ADCK2: variants seen among roughly 807,000 people sequenced by gnomAD.
ADCK2 encodes uncharacterized aarF domain-containing protein kinase 2.
In ADCK2, 37 loss-of-function variants were observed where a neutral mutation model predicts 52.3. That is an observed-to-expected ratio of 0.71 (90% CI 0.54 to 0.93). The LOEUF (loss-of-function observed/expected upper bound fraction) is 0.93, where lower values mean the gene tolerates loss of function less well. Ranked by LOEUF, ADCK2 falls within the 40% of genes least tolerant of loss-of-function variation. The pLI is 0.00. For synonymous variants in ADCK2, 321 were observed against 349.2 expected (o/e 0.92, Z 0.90); for missense variants, 695 against 798.7 (o/e 0.87, Z 1.56).
chr7:140,680,631 T>C (rs1213290565), intron 3 of ADCK2, among the ~76,000 whole-genome samples: 1 of 152,208 alleles, frequency 6.6e-6, no homozygotes, highest in Non-Finnish European at 1.5e-5. Flanking sequence ...ATGTGACTTG[T>C]CATCCTTCTG....
At chr7:140,682,271 C>G (rs1214117901) in intron 4 of ADCK2, among the ~76,000 whole-genome samples, 1 of 152,220 alleles carries the variant, frequency 6.6e-6, no homozygotes, top group Admixed American at 6.5e-5. Flanking sequence ...GGGATTCACT[C>G]AGGAAGTGGC....
chr7:140,689,521 T>G, intron 5 of ADCK2, 76 bp from the exon 6 acceptor site: 41 of 1,493,866 alleles, frequency 2.7e-5, no homozygotes, highest in Non-Finnish European at 3.3e-5. Flanking sequence ...GCTGCTGAGA[T>G]GAGAAAGACG....
rs867746282 is a variant in ADCK2 at position 140,673,230 on chromosome 7, G to A, written c.-101G>A. On this transcript the variant is annotated 5_prime_UTR_variant, in exon 1 of 8. Coordinates refer to ENST00000072869, the MANE Select transcript of ADCK2 (RefSeq NM_052853.4). This position sits in a 1 kb window ranked among gnomAD's most constrained non-coding sequence, Gnocchi z 6.4. ...GGATCCGGCCCAGATGGGCAGCTCC[G>A]TCCGCGGGGTCAGGGCCGGGCTTCG... The A allele has an allele frequency of 2.2e-5, 24 of 1,074,524 alleles. No homozygotes were observed. Among genetic ancestry groups the A allele is most frequent in the African/African-American group, 6.7e-5 (4 of 59,412 alleles). The allele number at this position is 1,074,524 out of a possible 1,614,324, so 66.6% of individuals were successfully genotyped here.
At chr7:140,677,990 T>A (rs528482624) in intron 2 of ADCK2, among the ~76,000 whole-genome samples, 4 of 152,234 alleles carry the variant, frequency 2.6e-5, no homozygotes, top group African/African-American at 9.6e-5. Flanking sequence ...GAGATGGACC[T>A]GGACAGAGAA....
chr7:140,687,876 T>A (rs1276413848), intron 5 of ADCK2, among the ~76,000 whole-genome samples: 6 of 114,664 alleles, frequency 5.2e-5, no homozygotes, highest in African/African-American at 9.9e-5. Flanking sequence ...AGATCTTAGT[T>A]TTTTTTTTTT....
rs1425352174 is a variant in ADCK2 at position 140,678,717 on chromosome 7, G to A, written c.1081-438G>A. 1.3e-5 allele frequency among the ~76,000 whole-genome samples: 2 copies of A among 152,124 alleles called. No individual in the cohort carries two copies. The highest frequency in any genetic ancestry group is 2.1e-4 in the South Asian group (1 of 4,820). On this transcript the variant is annotated intron_variant, in intron 2 of 7. Coordinates refer to ENST00000072869, the MANE Select transcript of ADCK2 (RefSeq NM_052853.4). The surrounding 1 kb of genome is among the most constrained non-coding windows in gnomAD (Gnocchi z 4.9). ...TGGGGAGAGTAGCAGTGGCAGTGTCGATGCGGTGGGTGGAGAGCTGCCGCG... is the reference window on the plus strand; with the variant it reads ...TGGGGAGAGTAGCAGTGGCAGTGTCAATGCGGTGGGTGGAGAGCTGCCGCG...
intron 4 of ADCK2, among the ~76,000 whole-genome samples, chr7:140,684,960 A>G (rs1181155758): frequency 6.6e-6 from 1 of 152,134 alleles, no homozygotes; most frequent in Non-Finnish European, 1.5e-5. Context: ...CCAGGGGAGA[A>G]GCACCATGAA....
chr7:140,691,784 C>A lies in ADCK2; in HGVS notation c.1740+971C>A, dbSNP rs2930315. ...TTAGTAACCAATTTATCCCCTCAGT[C>A]TTCCAAGAGGCAGGCACCAAAGCCG... On this transcript the variant is annotated intron_variant, in intron 7 of 7. Transcript: ENST00000072869. 3.3e-5 allele frequency among the ~76,000 whole-genome samples: 5 copies of A among 152,254 alleles called. No homozygotes were observed. In the South Asian group the frequency reaches 1.0e-3, roughly 32 times the overall value.
chr7:140,695,051 A>T lies in ADCK2; in HGVS notation c.*248A>T, dbSNP rs571691969. ...GTGGAAGCTGGGCCAGGTGCCAGGGACACTCTCCTTCAGGGAAAATGTTAT... is the reference window on the plus strand; with the variant it reads ...GTGGAAGCTGGGCCAGGTGCCAGGGTCACTCTCCTTCAGGGAAAATGTTAT... On this transcript the variant is annotated 3_prime_UTR_variant, in exon 8 of 8. Coordinates refer to ENST00000072869, the MANE Select transcript of ADCK2 (RefSeq NM_052853.4). 2 of 1,239,132 alleles carry T rather than the reference A, an allele frequency of 1.6e-6. No individual in the cohort carries two copies. Among genetic ancestry groups the T allele is most frequent in the African/African-American group, 3.1e-5 (2 of 64,860 alleles). The allele number at this position is 1,239,132 out of a possible 1,614,324, so 76.8% of individuals were successfully genotyped here.
Position 140,673,101 on chromosome 7 carries a change from G to A in ADCK2, c.-230G>A, listed in dbSNP as rs535275841. On this transcript the variant is annotated 5_prime_UTR_variant, in exon 1 of 8. Coordinates refer to ENST00000072869, the MANE Select transcript of ADCK2 (RefSeq NM_052853.4). This position sits in a 1 kb window ranked among gnomAD's most constrained non-coding sequence, Gnocchi z 6.4. Reference sequence around the variant, plus strand: ...CTCCTCCCGTTCCGCAGTTGGTGCCGTCTGACAGCCCCTTCCGCGCGGCGC... The same window carrying A: ...CTCCTCCCGTTCCGCAGTTGGTGCCATCTGACAGCCCCTTCCGCGCGGCGC... 1.7e-3 allele frequency: 460 copies of A among 277,310 alleles called. 3 individuals carry two copies. Among genetic ancestry groups the A allele is most frequent in the Admixed American group, 0.014 (250 of 18,474 alleles). 17.2% of individuals were successfully genotyped at this position (277,310 alleles called of 1,614,324 possible).
chr7:140,687,382 C>A, intron 5 of ADCK2, 141 bp downstream of exon 5: 1 of 1,155,976 alleles, frequency 8.7e-7, no homozygotes, highest in Non-Finnish European at 1.2e-6. Context: ...GAGTTCAAGG[C>A]CAGCCTGAGC....
rs1423564698 is a variant in ADCK2 at position 140,673,574 on chromosome 7, G to A, written c.244G>A (p.Glu82Lys). 1 of 1,602,724 alleles carries A rather than the reference G, an allele frequency of 6.2e-7. No homozygotes were observed. Among genetic ancestry groups the A allele is most frequent in the East Asian group, 2.2e-5 (1 of 44,758 alleles). ...CGGGGCGGCTGGCGCGGGGCCCGCG[G>A]AGAGCCTCCCCCGAGCGGGACCTCT... is the stretch of plus-strand genomic sequence containing the variant. ...CSGAAGAGPA[E>K]SLPRAGPLGG... The change falls in exon 1 of 8, where the codon GAG becomes AAG. Residue 82 changes from glutamate to lysine, a missense_variant. Glu to Lys is a moderately conservative substitution (Grantham distance 56). Transcript: ENST00000072869. The surrounding 1 kb of genome is among the most constrained non-coding windows in gnomAD (Gnocchi z 6.4).
chr7:140,681,808 G>T (rs1019581439), intron 4 of ADCK2, among the ~76,000 whole-genome samples: 1 of 151,792 alleles, frequency 6.6e-6, no homozygotes, highest in African/African-American at 2.4e-5. Context: ...AAATTGTTTT[G>T]TAGGGACTTA....
At position 140,679,161 on chromosome 7, in the gene ADCK2, C is replaced by T; in HGVS notation, c.1087C>T (p.Leu363=). The change falls in exon 3 of 8, where the codon CTG becomes TTG. Residue 363 remains leucine (L), a synonymous_variant. Coordinates refer to ENST00000072869, the MANE Select transcript of ADCK2 (RefSeq NM_052853.4). ...TCTGTCCATTTCTCTGTAGATTGAC[C>T]TGCGTTACGAAGCTCAGAATCTAGA... ...FEKLMVQQID[L]RYEAQNLEHF... 2 of 1,614,032 alleles carry T rather than the reference C, an allele frequency of 1.2e-6. No homozygotes were observed. The highest frequency in any genetic ancestry group is 1.7e-6 in the Non-Finnish European group (2 of 1,179,950).
chr7:140,687,875 T>G (rs1437400577), intron 5 of ADCK2, among the ~76,000 whole-genome samples: 4 of 106,370 alleles, frequency 3.8e-5, no homozygotes, highest in South Asian at 2.7e-4. Context: ...GAGATCTTAG[T>G]TTTTTTTTTT....
At chr7:140,690,293 C>G (rs1441423260) in intron 6 of ADCK2, among the ~76,000 whole-genome samples, 2 of 152,106 alleles carry the variant, frequency 1.3e-5, no homozygotes, top group South Asian at 4.1e-4. Flanking sequence ...ACTTCCACCT[C>G]CCGGATTCAA....
chr7:140,673,791 C>T lies in ADCK2; in HGVS notation c.461C>T (p.Thr154Ile). The T allele has an allele frequency of 6.2e-7, 1 of 1,613,940 alleles. No homozygotes were observed. The highest frequency in any genetic ancestry group is 8.5e-7 in the Non-Finnish European group (1 of 1,180,036). ...TYIKLGQWASTRRDLFSEAFC... is the reference protein window; with the variant it reads ...TYIKLGQWASIRRDLFSEAFC... Reference sequence around the variant, plus strand: ...ATCAAACTGGGCCAGTGGGCCAGCACCCGGCGCGATCTGTTTTCGGAGGCT... The same window carrying T: ...ATCAAACTGGGCCAGTGGGCCAGCATCCGGCGCGATCTGTTTTCGGAGGCT... The change falls in exon 1 of 8, where the codon ACC becomes ATC. Residue 154 changes from threonine (T) to isoleucine (I), a missense_variant. By Grantham distance (89) the Thr-to-Ile change is moderately conservative. Transcript: ENST00000072869. This position sits in a 1 kb window ranked among gnomAD's most constrained non-coding sequence, Gnocchi z 6.4.
At chr7:140,675,302 C>T (rs1169117453) in intron 2 of ADCK2, among the ~76,000 whole-genome samples, 1 of 152,130 alleles carries the variant, frequency 6.6e-6, no homozygotes, top group Admixed American at 6.5e-5. Flanking sequence ...AGAAAGGGAG[C>T]TCTTTATTTT....
intron 2 of ADCK2, among the ~76,000 whole-genome samples, chr7:140,676,156 G>A (rs969065382): frequency 3.3e-5 from 5 of 152,184 alleles, no homozygotes; most frequent in African/African-American, 7.2e-5. Flanking sequence ...CGGCAGATTC[G>A]ATGTCTGGTG....
Sources: gnomAD v4.1 joint callset for allele counts (sites outside exome capture counted in the v4.1 genomes callset) on GRCh38, gnomAD v4.1.1 for gene constraint, Gnocchi (gnomAD v3.1) non-coding constraint, MANE v1.5 for transcripts, NCBI Gene and HGNC (gene_info 2026-07-23, HGNC 2026-07-21) for gene names.